The following SCAMP4 variants were observed in gnomAD, a reference collection of about 807,000 sequenced individuals.
SCAMP4 encodes the protein secretory carrier membrane protein 4, also known as secretory carrier-associated membrane protein 4.
A neutral mutation model predicts 32.1 loss-of-function variants in SCAMP4; 19 were observed. The ratio of observed to expected loss-of-function variants is 0.59; its 90% CI spans 0.41 to 0.87. SCAMP4 has a LOEUF of 0.87. Ranked by LOEUF, SCAMP4 falls within the 40% of genes least tolerant of loss-of-function variation. SCAMP4 has a pLI of 0.00. For missense variants in SCAMP4, 302 were observed against 309.0 expected, an observed-to-expected ratio of 0.98 and a Z score of 0.17; for synonymous variants, 152 against 132.7, an observed-to-expected ratio of 1.15 and a Z score of -1.00.
chr19:1,907,675 T>C (rs71337061), intron 1 of SCAMP4, among the ~76,000 whole-genome samples: 10,388 of 152,222 alleles, frequency 0.068, 553 homozygotes, highest in Non-Finnish European at 0.11. Flanking sequence ...CCTGGAGCTA[T>C]GCCGGTTCCC....
chr19:1,910,058 GCTTT>G (rs1380204833), intron 1 of SCAMP4, among the ~76,000 whole-genome samples: 3 of 152,190 alleles, frequency 2.0e-5, no homozygotes, highest in Non-Finnish European at 4.4e-5. Flanking sequence ...TGGCATGCTT[GCTTT>G]CTGTCACTGC....
chr19:1,917,199 G>C (rs1436164992), intron 2 of SCAMP4, among the ~76,000 whole-genome samples: 1 of 152,152 alleles, frequency 6.6e-6, no homozygotes, highest in African/African-American at 2.4e-5. Context: ...CCAGCTACTT[G>C]GGAGGCTGAG....
intron 5 of SCAMP4, chr19:1,922,486 C>G: frequency 1.1e-6 from 1 of 941,976 alleles, no homozygotes; most frequent in Non-Finnish European, 1.3e-6. Context: ...CCGCCCGCCT[C>G]GGCCTCCCAA....
At position 1,912,651 on chromosome 19, in the gene SCAMP4, C is replaced by T. The variant is rs1057520060; in HGVS notation, c.-41-2328C>T. On this transcript the variant is annotated intron_variant, in intron 1 of 6. Transcript: ENST00000316097. ...GGAGCGGGCGGTGTGGGCGGCCCGG[C>T]GGGCAGCAGCGCGGGGCTTGCGGGC... The T allele has an allele frequency of 9.2e-6, 13 of 1,420,026 alleles. No homozygotes were observed. Among genetic ancestry groups the T allele is most frequent in the African/African-American group, 3.0e-5 (2 of 65,900 alleles). 88.0% of individuals were successfully genotyped at this position (1,420,026 alleles called of 1,614,324 possible).
intron 1 of SCAMP4, among the ~76,000 whole-genome samples, chr19:1,910,041 C>T (rs1347443958): frequency 1.3e-5 from 2 of 152,218 alleles, no homozygotes; most frequent in African/African-American, 4.8e-5. Flanking sequence ...CCCGTGTCCC[C>T]CACACTTGGC....
chr19:1,922,514 C>T (rs191098480), intron 5 of SCAMP4: 192 of 983,540 alleles, frequency 2.0e-4, no homozygotes, highest in Middle Eastern at 1.0e-3. Context: ...GGACGACAGG[C>T]GTAAGCCTCT....
chr19:1,922,482 G>A lies in SCAMP4; in HGVS notation c.396-588G>A, dbSNP rs916104605. On this transcript the variant is annotated intron_variant, in intron 5 of 6. Transcript: ENST00000316097. ...GTTCCTGGCCTCAAGTGATCCGCCC[G>A]CCTCGGCCTCCCAAAGTGCTGGGAC... is the stretch of plus-strand genomic sequence containing the variant. The A allele has an allele frequency of 1.2e-4, 108 of 934,610 alleles. No homozygotes were observed. The South Asian group carries it at 1.4e-3, about 12-fold the overall frequency. The allele number at this position is 934,610 out of a possible 1,614,324, so 57.9% of individuals were successfully genotyped here. A position where few individuals can be genotyped will look rare whatever the true frequency, so the allele number is the denominator to read the frequency against.
Position 1,918,287 on chromosome 19 carries a change from A to G in SCAMP4, c.293+4A>G. On this transcript the variant is annotated splice_donor_region_variant and intron_variant, in intron 4 of 6. Transcript: ENST00000316097. ...GGCCTGTCTACAAGGCCTTCCGGTG[A>G]GCAGAGCTGCCGGGGGCCGTCTGCA... 6.3e-7 allele frequency: 1 copy of G among 1,594,736 alleles called. No homozygotes were observed. The highest frequency in any genetic ancestry group is 8.5e-7 in the Non-Finnish European group (1 of 1,174,154).
intron 2 of SCAMP4, among the ~76,000 whole-genome samples, chr19:1,916,305 A>C (rs1296522690): frequency 6.6e-6 from 1 of 151,772 alleles, no homozygotes; most frequent in African/African-American, 2.4e-5. Context: ...GGCCAGAGCT[A>C]TGCGGCCATG....
chr19:1,919,131 C>T lies in SCAMP4; in HGVS notation c.395+141C>T, dbSNP rs1344408495. On this transcript the variant is annotated intron_variant, in intron 5 of 6. Coordinates refer to ENST00000316097, the MANE Select transcript of SCAMP4 (RefSeq NM_079834.4). ...TCCTAGGGAGGGGTCTGAGCTCACC[C>T]TGGCAGCGCCCGCGTCCTCGCCAGC... 6 of 1,472,358 alleles carry T rather than the reference C, an allele frequency of 4.1e-6. No homozygotes were observed. In the African/African-American group the frequency reaches 5.7e-5, roughly 14 times the overall value. 91.2% of individuals were successfully genotyped at this position (1,472,358 alleles called of 1,614,324 possible). A position where few individuals can be genotyped will look rare whatever the true frequency, so the allele number is the denominator to read the frequency against.
At chr19:1,909,198 G>A (rs1256913971) in intron 1 of SCAMP4, among the ~76,000 whole-genome samples, 1 of 152,156 alleles carries the variant, frequency 6.6e-6, no homozygotes, top group Non-Finnish European at 1.5e-5. Context: ...ATGCAGGTGG[G>A]GGAAGGCTGG....
In SCAMP4 at chr19:1,908,122, T is replaced by C; in HGVS notation, c.-42+2683T>C. ...GAGTGTTTGTGGCCTAGCAGGGCCG[T>C]GCGGGCCTCTCGGTCCTGGTCGCGC... On this transcript the variant is annotated intron_variant, in intron 1 of 6. Transcript: ENST00000316097. The surrounding 1 kb of genome is among the most constrained non-coding windows in gnomAD (Gnocchi z 4.2). 4.3e-6 allele frequency: 1 copy of C among 234,784 alleles called. No homozygotes were observed. Among genetic ancestry groups the C allele is most frequent in the Middle Eastern group, 1.6e-3 (1 of 608 alleles). 14.5% of individuals were successfully genotyped at this position (234,784 alleles called of 1,614,324 possible).
At chr19:1,912,964 C>T in intron 1 of SCAMP4, 1 of 1,610,222 alleles carries the variant, frequency 6.2e-7, no homozygotes, top group Non-Finnish European at 8.5e-7. Context: ...ACCCGCGAGC[C>T]CTGCGCCATG....
intron 5 of SCAMP4, 146 bp downstream of exon 5, chr19:1,919,136 AGCGCCC>A (rs1259407504): frequency 5.1e-5 from 74 of 1,462,954 alleles, no homozygotes; most frequent in Non-Finnish European, 6.3e-5. Flanking sequence ...TCACCCTGGC[AGCGCCC>A]GCGTCCTCGC....
rs944398321 is a variant in SCAMP4 at position 1,912,502 on chromosome 19, G to A, written c.-41-2477G>A. 1.3e-6 allele frequency: 2 copies of A among 1,496,352 alleles called. No individual in the cohort carries two copies. Among genetic ancestry groups the A allele is most frequent in the Admixed American group, 4.4e-5 (2 of 45,394 alleles). The allele number at this position is 1,496,352 out of a possible 1,614,324, so 92.7% of individuals were successfully genotyped here. A position where few individuals can be genotyped will look rare whatever the true frequency, so the allele number is the denominator to read the frequency against. On this transcript the variant is annotated intron_variant, in intron 1 of 6. Coordinates refer to ENST00000316097, the MANE Select transcript of SCAMP4 (RefSeq NM_079834.4). ...GTGCCCGCCCGGCCGCCTCTGACCA[G>A]GGGCCAGTTCGAGGAGGCCCGGGCC...
intron 4 of SCAMP4, 22 bp from the exon 5 acceptor site, chr19:1,918,867 C>T (rs773236405): frequency 2.5e-6 from 4 of 1,586,702 alleles, no homozygotes; most frequent in Non-Finnish European, 3.4e-6. Context: ...TGGTAACCGT[C>T]GTGTTTTCTG....
chr19:1,924,613 G>C lies in SCAMP4; in HGVS notation c.*329G>C, dbSNP rs941828772. The C allele has an allele frequency of 6.1e-6, 2 of 325,680 alleles. No individual in the cohort carries two copies. Among genetic ancestry groups the C allele is most frequent in the East Asian group, 5.8e-5 (1 of 17,320 alleles). 20.2% of individuals were successfully genotyped at this position (325,680 alleles called of 1,614,324 possible). A position where few individuals can be genotyped will look rare whatever the true frequency, so the allele number is the denominator to read the frequency against. On this transcript the variant is annotated 3_prime_UTR_variant, in exon 7 of 7. Coordinates refer to ENST00000316097, the MANE Select transcript of SCAMP4 (RefSeq NM_079834.4). Reference sequence around the variant, plus strand: ...TCTTCAGGTCTCGAGGCCTGACTCCGGGGGACAGGTGGCAGCAGGTCGGCC... The same window carrying C: ...TCTTCAGGTCTCGAGGCCTGACTCCCGGGGACAGGTGGCAGCAGGTCGGCC...
At chr19:1,923,416 C>T (rs538744901) in intron 6 of SCAMP4, among the ~76,000 whole-genome samples, 2 of 152,268 alleles carry the variant, frequency 1.3e-5, no homozygotes, top group South Asian at 2.1e-4. Flanking sequence ...CCTGTGGCCC[C>T]CTGGGCCGGG....
Position 1,905,441 on chromosome 19 carries a change from T to C in SCAMP4, c.-42+2T>C. The C allele has an allele frequency of 2.2e-6, 1 of 461,200 alleles. No homozygotes were observed. 28.6% of individuals were successfully genotyped at this position (461,200 alleles called of 1,614,324 possible). On this transcript the variant is annotated splice_donor_variant, in intron 1 of 6. Coordinates refer to ENST00000316097, the MANE Select transcript of SCAMP4 (RefSeq NM_079834.4). LOFTEE classifies it low-confidence loss of function (5UTR_SPLICE). ...TGCGCTCGCGCCCGGATCCCTCAGG[T>C]AAGCGCGCGGCCCCGAGGTCTCGGG...
Sources: gnomAD v4.1 joint callset for allele counts (sites outside exome capture counted in the v4.1 genomes callset) on GRCh38, gnomAD v4.1.1 for gene constraint, Gnocchi (gnomAD v3.1) non-coding constraint, MANE v1.5 for transcripts, NCBI Gene and HGNC (gene_info 2026-07-23, HGNC 2026-07-21) for gene names.